Variants in KCNH8 observed in about 807,000 individuals in gnomAD.
KCNH8 encodes the protein voltage-gated delayed rectifier potassium channel KCNH8.
Under a neutral mutation model 103.6 loss-of-function variants are expected in KCNH8, and 70 were observed. The observed-to-expected ratio is 0.68, with a 90% CI of 0.56 to 0.82. The LOEUF (loss-of-function observed/expected upper bound fraction) is 0.82, where lower values mean the gene tolerates loss of function less well. Among genes scored for constraint, KCNH8 ranks in the 40% least tolerant of loss-of-function variants. KCNH8 has a pLI of 0.00. For missense variants in KCNH8, 1,217 were observed against 1,329.9 expected, an observed-to-expected ratio of 0.92 and a Z score of 1.32; for synonymous variants, 498 against 489.4, an observed-to-expected ratio of 1.02 and a Z score of -0.23.
At chr3:19,196,625 G>A (rs2063604955) in intron 1 of KCNH8, among the ~76,000 whole-genome samples, 1 of 151,964 alleles carries the variant, frequency 6.6e-6, no homozygotes, top group Non-Finnish European at 1.5e-5. Flanking sequence ...ATTGTCTGTG[G>A]ATGTGTGAAT....
At position 19,518,039 on chromosome 3, in the gene KCNH8, G is replaced by A; in HGVS notation, c.2584G>A (p.Glu862Lys). The A allele has an allele frequency of 1.2e-6, 2 of 1,612,306 alleles. No individual in the cohort carries two copies. The highest frequency in any genetic ancestry group is 1.7e-6 in the Non-Finnish European group (2 of 1,178,836). Residue 862 changes from glutamate (E) to lysine (K), a missense_variant, in exon 15 of 16, where the codon GAG becomes AAG. This residue lies in a region of KCNH8 where 558 missense variants were observed against 495.8 expected (regional missense o/e 1.13). Transcript: ENST00000328405. ...TGCTGTTCTCTTCATCAAAGCAGAG[G>A]AGACCAAGCAGCAGATAAACAAACT... ...GAAVLFIKAE[E>K]TKQQINKLNS...
At chr3:19,312,292 TTTC>T (rs2065217960) in intron 3 of KCNH8, among the ~76,000 whole-genome samples, 1 of 151,962 alleles carries the variant, frequency 6.6e-6, no homozygotes, top group South Asian at 2.1e-4. Context: ...TTATTATTTC[TTTC>T]TTCATTTCAG....
intron 1 of KCNH8, among the ~76,000 whole-genome samples, chr3:19,252,989 G>A (rs1456730469): frequency 2.0e-5 from 3 of 152,042 alleles, no homozygotes; most frequent in Admixed American, 2.0e-4. Context: ...TGACATCCCA[G>A]GAGTGAACTT....
intron 3 of KCNH8, among the ~76,000 whole-genome samples, chr3:19,322,356 T>G (rs2065361183): frequency 6.6e-6 from 1 of 152,198 alleles, no homozygotes. Context: ...AAAGCTCCTT[T>G]TAGGAGTTCT....
At chr3:19,259,285 G>A (rs1482820553) in intron 2 of KCNH8, among the ~76,000 whole-genome samples, 1 of 149,138 alleles carries the variant, frequency 6.7e-6, no homozygotes, top group Admixed American at 6.7e-5. Context: ...TACAAAACCA[G>A]GATTACTAAC....
At chr3:19,189,357 C>A (rs568089186) in intron 1 of KCNH8, among the ~76,000 whole-genome samples, 1 of 151,934 alleles carries the variant, frequency 6.6e-6, no homozygotes, top group South Asian at 2.1e-4. Context: ...CTTTCAAATT[C>A]TTTTAAAAGT....
At chr3:19,463,425 T>TA (rs2067674425) in intron 11 of KCNH8, among the ~76,000 whole-genome samples, 1 of 151,972 alleles carries the variant, frequency 6.6e-6, no homozygotes, top group Admixed American at 6.6e-5. Flanking sequence ...GGTCAAAAAG[T>TA]AAAAAGTATT....
chr3:19,171,574 A>T (rs1428059336), intron 1 of KCNH8, among the ~76,000 whole-genome samples: 2 of 152,200 alleles, frequency 1.3e-5, no homozygotes, highest in Non-Finnish European at 2.9e-5. Flanking sequence ...GACTCTATAA[A>T]TAAGTTAGCC....
intron 2 of KCNH8, among the ~76,000 whole-genome samples, chr3:19,268,432 G>A (rs1193811196): frequency 6.6e-6 from 1 of 152,066 alleles, no homozygotes. Flanking sequence ...GACACGGAGA[G>A]AAGGCCAGTT....
chr3:19,445,531 AATAAT>A (rs1465936541), intron 8 of KCNH8, among the ~76,000 whole-genome samples: 3 of 151,924 alleles, frequency 2.0e-5, no homozygotes, highest in East Asian at 1.9e-4. Flanking sequence ...ATGAGCTAAA[AATAAT>A]ATATCAAGCA....
At chr3:19,437,469 C>T (rs1360286460) in intron 7 of KCNH8, among the ~76,000 whole-genome samples, 1 of 152,080 alleles carries the variant, frequency 6.6e-6, no homozygotes, top group African/African-American at 2.4e-5. Flanking sequence ...AATTTTGACA[C>T]ATATATACAT....
intron 2 of KCNH8, among the ~76,000 whole-genome samples, chr3:19,261,134 CAT>C (rs2064429653): frequency 6.6e-6 from 1 of 151,334 alleles, no homozygotes; most frequent in Non-Finnish European, 1.5e-5. Flanking sequence ...ATTTCTGGGT[CAT>C]ATGGTAGTTC....
At chr3:19,398,474 G>T (rs1307387678) in intron 7 of KCNH8, among the ~76,000 whole-genome samples, 1 of 151,928 alleles carries the variant, frequency 6.6e-6, no homozygotes, top group African/African-American at 2.4e-5. Flanking sequence ...GTGAATGGAG[G>T]TGTGGTAGAA....
At chr3:19,466,086 G>A (rs559014261) in intron 11 of KCNH8, among the ~76,000 whole-genome samples, 1 of 151,874 alleles carries the variant, frequency 6.6e-6, no homozygotes, top group Non-Finnish European at 1.5e-5. Context: ...CACCACACCC[G>A]GCTAATTCTT....
intron 10 of KCNH8, among the ~76,000 whole-genome samples, chr3:19,454,349 AT>A (rs1204187852): frequency 1.3e-5 from 2 of 152,036 alleles, no homozygotes; most frequent in Non-Finnish European, 2.9e-5. Flanking sequence ...ATCATAAAAT[AT>A]TTTTTATTGA....
intron 1 of KCNH8, among the ~76,000 whole-genome samples, chr3:19,236,312 A>G (rs761507765): frequency 1.3e-5 from 2 of 152,202 alleles, no homozygotes; most frequent in Non-Finnish European, 2.9e-5. Context: ...CTTTTTGGTT[A>G]ACAACAGAGA....
intron 15 of KCNH8, among the ~76,000 whole-genome samples, chr3:19,523,108 G>T (rs1209908222): frequency 6.6e-6 from 1 of 151,752 alleles, no homozygotes; most frequent in South Asian, 2.1e-4. Context: ...AAGACCATTC[G>T]TATCAACTTG....
chr3:19,504,754 G>A (rs946270146), intron 11 of KCNH8, among the ~76,000 whole-genome samples: 1 of 152,050 alleles, frequency 6.6e-6, no homozygotes, highest in Non-Finnish European at 1.5e-5. Context: ...AACTGTTGTG[G>A]AAAGCAGTGT....
At chr3:19,220,278 G>A (rs1017008758) in intron 1 of KCNH8, among the ~76,000 whole-genome samples, 7 of 152,216 alleles carry the variant, frequency 4.6e-5, no homozygotes, top group Non-Finnish European at 8.8e-5. Flanking sequence ...CAGTCTCAGA[G>A]CTCAGCCCAC....
Sources: gnomAD v4.1 joint callset for allele counts (sites outside exome capture counted in the v4.1 genomes callset) on GRCh38, gnomAD v4.1.1 for gene constraint, gnomAD v4.1.1 regional missense constraint, MANE v1.5 for transcripts, NCBI Gene and HGNC (gene_info 2026-07-23, HGNC 2026-07-21) for gene names.